Variants in CARS2 observed in about 807,000 individuals in gnomAD.
CARS2 encodes the protein probable cysteine--tRNA ligase, mitochondrial.
In CARS2, 52 loss-of-function variants were observed where a neutral mutation model predicts 68.8. The ratio of observed to expected loss-of-function variants is 0.76; its 90% CI spans 0.61 to 0.95. CARS2 has a LOEUF of 0.95. Ranked by LOEUF, CARS2 falls within the 40% of genes least tolerant of loss-of-function variation. The pLI is 0.00. For missense variants in CARS2, 780 were observed against 754.2 expected (o/e 1.03, Z -0.40); for synonymous variants, 314 against 303.6 (o/e 1.03, Z -0.36).
Position 110,665,746 on chromosome 13 carries a change from G to A in CARS2, c.919+1594C>T, listed in dbSNP as rs557059529. On this transcript the variant is annotated intron_variant, in intron 8 of 14. Transcript: ENST00000257347. This position sits in a 1 kb window ranked among gnomAD's most constrained non-coding sequence, Gnocchi z 4.3. ...CTGAGCCCTGAACGAAGTCAACGAGGAAGTGACTTCGGGGCAATCAGCCTC... is the reference window on the plus strand; with the variant it reads ...CTGAGCCCTGAACGAAGTCAACGAGAAAGTGACTTCGGGGCAATCAGCCTC... The A allele has an allele frequency of 7.1e-6, 7 of 985,418 alleles. No individual in the cohort carries two copies. The South Asian group carries it at 3.3e-4, about 46-fold the overall frequency. 61.0% of individuals were successfully genotyped at this position (985,418 alleles called of 1,614,324 possible). A position where few individuals can be genotyped will look rare whatever the true frequency, so the allele number is the denominator to read the frequency against.
rs530813438 is a variant in CARS2, at chr13:110,654,165, C to T, written c.988-3065G>A. 1.6e-4 allele frequency among the ~76,000 whole-genome samples: 25 copies of T among 152,290 alleles called. 1 individual carries two copies. In the East Asian group the frequency reaches 4.0e-3, roughly 25 times the overall value. ...AGTTGCCGAGGGACTTCCTATGATG[C>T]CAGCGCTGCACACACCCCTGGAGCC... is the stretch of plus-strand genomic sequence containing the variant. On this transcript the variant is annotated intron_variant, in intron 9 of 14. Transcript: ENST00000257347.
chr13:110,643,716 T>A (rs1887709441), intron 13 of CARS2: 1 of 161,878 alleles, frequency 6.2e-6, no homozygotes, highest in Non-Finnish European at 1.4e-5. Flanking sequence ...GGGGCCTCTG[T>A]CAGCCACATA....
At position 110,676,984 on chromosome 13, in the gene CARS2, C is replaced by T. The variant is rs752839393; in HGVS notation, c.775G>A (p.Ala259Thr). Residue 259 changes from alanine to threonine, a missense_variant, in exon 7 of 15, where the codon GCC becomes ACC. Coordinates refer to ENST00000257347, the MANE Select transcript of CARS2 (RefSeq NM_024537.4). The surrounding 1 kb of genome is among the most constrained non-coding windows in gnomAD (Gnocchi z 4.0). ...CGGCAGGCACCTTACCTAGCGATGG[C>T]AGAGCACTCGATGTGCCAGCCCGGC... ...GRPGWHIECS[A>T]IASMVFGSQL... is the part of the protein sequence containing the mutation. 37 of 1,582,014 alleles carry T rather than the reference C, an allele frequency of 2.3e-5. No homozygotes were observed. Among genetic ancestry groups the T allele is most frequent in the Non-Finnish European group, 3.1e-5 (36 of 1,159,192 alleles).
chr13:110,642,690 G>A (rs755324076), intron 13 of CARS2, 169 bp from the exon 14 acceptor site: 2 of 777,842 alleles, frequency 2.6e-6, no homozygotes, highest in African/African-American at 1.7e-5. Flanking sequence ...CAGCCCGCGA[G>A]CGCTGGGCTC....
intron 3 of CARS2, among the ~76,000 whole-genome samples, chr13:110,689,723 A>G (rs1213880029): frequency 6.6e-6 from 1 of 152,218 alleles, no homozygotes; most frequent in African/African-American, 2.4e-5. Context: ...GAAAATACAC[A>G]GCACCTAGCA....
Position 110,665,342 on chromosome 13 carries a change from C to G in CARS2, c.920-1824G>C. On this transcript the variant is annotated intron_variant, in intron 8 of 14. Coordinates refer to ENST00000257347, the MANE Select transcript of CARS2 (RefSeq NM_024537.4). This position sits in a 1 kb window ranked among gnomAD's most constrained non-coding sequence, Gnocchi z 4.3. ...GCACCTGTAGTCGCAGCTACTAGAA[C>G]AGCTGAGGCAGGAGAATTGCTTGAA... 1.5e-6 allele frequency: 1 copy of G among 685,354 alleles called. No individual in the cohort carries two copies. The highest frequency in any genetic ancestry group is 1.8e-6 in the Non-Finnish European group (1 of 555,916). The allele number at this position is 685,354 out of a possible 1,614,324, so 42.5% of individuals were successfully genotyped here.
rs954099260 is a variant in CARS2 at position 110,687,939 on chromosome 13, C to G, written c.465+8G>C. 1.9e-6 allele frequency: 3 copies of G among 1,610,830 alleles called. No individual in the cohort carries two copies. ...CTCATGGCAGGAACAACCAGCCCCA[C>G]ACTTTACCTTCAGGGCTGCCATGTC... On this transcript the variant is annotated splice_region_variant and intron_variant, in intron 4 of 14. Transcript: ENST00000257347.
At chr13:110,646,497 C>T (rs1436547826) in intron 11 of CARS2, 2 of 174,002 alleles carry the variant, frequency 1.1e-5, no homozygotes, top group Non-Finnish European at 1.2e-5. Flanking sequence ...TGGCCACTGG[C>T]TGCCTACCCT....
At chr13:110,642,066 G>A (rs1169322542) in intron 14 of CARS2, among the ~76,000 whole-genome samples, 1 of 151,808 alleles carries the variant, frequency 6.6e-6, no homozygotes, top group Non-Finnish European at 1.5e-5. Context: ...CCGAGCATGG[G>A]AGTGCATGCC....
Position 110,676,550 on chromosome 13 carries a change from C to T in CARS2, c.785+424G>A, listed in dbSNP as rs987393189. Among the ~76,000 whole-genome samples the T allele has an allele frequency of 7.2e-5, 11 of 152,216 alleles. No individual in the cohort carries two copies. Among genetic ancestry groups the T allele is most frequent in the East Asian group, 3.9e-4 (2 of 5,162 alleles). The stretch of plus-strand genomic sequence containing the variant: ...AGATCTGGGAGGAGCTGGAGATTTC[C>T]GCCACAGAGCACCCTGGCATGCGAG... On this transcript the variant is annotated intron_variant, in intron 7 of 14. Coordinates refer to ENST00000257347, the MANE Select transcript of CARS2 (RefSeq NM_024537.4). This position sits in a 1 kb window ranked among gnomAD's most constrained non-coding sequence, Gnocchi z 4.0.
At chr13:110,700,968 T>C (rs66957475) in intron 3 of CARS2, among the ~76,000 whole-genome samples, 18,251 of 152,234 alleles carry the variant, frequency 0.12, 1,757 homozygotes, top group African/African-American at 0.26. Flanking sequence ...GAAACCCTGC[T>C]AACCCAGCAC....
chr13:110,704,870 GA>G lies in CARS2; in HGVS notation c.275+650del, dbSNP rs548665928. Among the ~76,000 whole-genome samples the G allele has an allele frequency of 9.9e-5, 15 of 152,180 alleles. No homozygotes were observed. The South Asian group carries it at 2.9e-3, about 29-fold the overall frequency. On this transcript the variant is annotated intron_variant, in intron 2 of 14. Coordinates refer to ENST00000257347, the MANE Select transcript of CARS2 (RefSeq NM_024537.4). ...ATTTTGGAAATGTACAAAATATTAG[GA>G]AAAGTGGTAATTTTGGCAAATGTAG... is the stretch of plus-strand genomic sequence containing the variant.
chr13:110,694,680 C>T (rs1284592240), intron 3 of CARS2, among the ~76,000 whole-genome samples: 1 of 152,068 alleles, frequency 6.6e-6, no homozygotes, highest in Non-Finnish European at 1.5e-5. Flanking sequence ...ATATATCCTA[C>T]CTCTTTTAAT....
intron 3 of CARS2, among the ~76,000 whole-genome samples, chr13:110,693,520 C>T (rs754854595): frequency 2.6e-5 from 4 of 152,040 alleles, no homozygotes; most frequent in Non-Finnish European, 4.4e-5. Context: ...CCACCACGCC[C>T]GGCTAATTTT....
intron 3 of CARS2, among the ~76,000 whole-genome samples, chr13:110,688,386 C>A (rs2063366440): frequency 6.6e-6 from 1 of 152,178 alleles, no homozygotes. Flanking sequence ...GAGGTTGAAG[C>A]TGCGAACAGC....
chr13:110,646,259 A>G (rs1302618735), intron 11 of CARS2, 169 bp from the exon 12 acceptor site: 1 of 663,336 alleles, frequency 1.5e-6, no homozygotes, highest in East Asian at 3.0e-5. Context: ...ATTATGTAAC[A>G]TCAACTGCAA....
intron 3 of CARS2, among the ~76,000 whole-genome samples, chr13:110,691,385 C>T (rs1337174313): frequency 1.3e-5 from 2 of 152,128 alleles, no homozygotes; most frequent in East Asian, 3.9e-4. Flanking sequence ...CACAGTTTTT[C>T]AACTTTATGG....
At chr13:110,690,088 C>T (rs1392533348) in intron 3 of CARS2, among the ~76,000 whole-genome samples, 1 of 152,016 alleles carries the variant, frequency 6.6e-6, no homozygotes, top group African/African-American at 2.4e-5. Context: ...ATCAGCTGAG[C>T]GTGGTGGCAG....
intron 9 of CARS2, among the ~76,000 whole-genome samples, chr13:110,655,659 C>T (rs1319835620): frequency 6.6e-6 from 1 of 152,206 alleles, no homozygotes; most frequent in Admixed American, 6.5e-5. Flanking sequence ...GCCTGCTTTC[C>T]AGACTTAGTA....
Sources: allele counts gnomAD v4.1 joint callset (sites outside exome capture counted in the v4.1 genomes callset), GRCh38; gene constraint gnomAD v4.1.1; non-coding constraint Gnocchi (gnomAD v3.1); transcripts MANE v1.5; gene names NCBI Gene and HGNC (gene_info 2026-07-23, HGNC 2026-07-21).